Variants in FSTL5 observed in about 807,000 individuals in gnomAD.
FSTL5 encodes follistatin-related protein 5.
Under a neutral mutation model 89.1 loss-of-function variants are expected in FSTL5, and 62 were observed. The ratio of observed to expected loss-of-function variants is 0.70; its 90% CI spans 0.57 to 0.86. The LOEUF is 0.86. Among genes scored for constraint, FSTL5 ranks in the 40% least tolerant of loss-of-function variants. FSTL5 has a pLI of 0.00. For missense variants in FSTL5, 1,057 were observed against 1,001.6 expected, an observed-to-expected ratio of 1.06 and a Z score of -0.75; for synonymous variants, 383 against 346.2, an observed-to-expected ratio of 1.11 and a Z score of -1.18.
intron 12 of FSTL5, among the ~76,000 whole-genome samples, chr4:161,493,737 T>C (rs1729962366): frequency 6.6e-6 from 1 of 152,146 alleles, no homozygotes; most frequent in Admixed American, 6.6e-5. Context: ...AATGCACTTT[T>C]ACATGTGTAT....
intron 15 of FSTL5, among the ~76,000 whole-genome samples, chr4:161,395,716 T>C (rs1370256405): frequency 6.6e-6 from 1 of 152,136 alleles, no homozygotes; most frequent in Non-Finnish European, 1.5e-5. Context: ...ATACAGGTTC[T>C]AGAAGGAAAT....
intron 3 of FSTL5, among the ~76,000 whole-genome samples, chr4:161,949,932 T>C (rs1237922047): frequency 6.6e-6 from 1 of 152,138 alleles, no homozygotes; most frequent in Non-Finnish European, 1.5e-5. Context: ...TCTAAGATAT[T>C]TCTACATTTG....
At chr4:162,125,452 G>C (rs1050090859) in intron 1 of FSTL5, among the ~76,000 whole-genome samples, 2 of 152,054 alleles carry the variant, frequency 1.3e-5, no homozygotes, top group African/African-American at 4.8e-5. Context: ...TTCTTGAAAA[G>C]TTTATTTGAT....
At chr4:161,983,615 A>T (rs1028810219) in intron 3 of FSTL5, among the ~76,000 whole-genome samples, 1 of 152,142 alleles carries the variant, frequency 6.6e-6, no homozygotes, top group African/African-American at 2.4e-5. Context: ...CCCTTAAGAG[A>T]GTTTTAAAGA....
At chr4:161,728,953 C>A (rs1257999285) in intron 6 of FSTL5, among the ~76,000 whole-genome samples, 2 of 152,050 alleles carry the variant, frequency 1.3e-5, no homozygotes, top group East Asian at 3.9e-4. Context: ...TATGTAGCTA[C>A]CTTATCACTA....
intron 7 of FSTL5, among the ~76,000 whole-genome samples, chr4:161,595,918 T>C (rs1733998258): frequency 6.6e-6 from 1 of 152,006 alleles, no homozygotes; most frequent in Non-Finnish European, 1.5e-5. Context: ...TTAAATACAG[T>C]TTTCTGTATA....
At chr4:161,889,278 C>G (rs1016737508) in intron 4 of FSTL5, among the ~76,000 whole-genome samples, 1 of 151,978 alleles carries the variant, frequency 6.6e-6, no homozygotes, top group African/African-American at 2.4e-5. Context: ...CTATGGAATA[C>G]TTGGATATGG....
intron 3 of FSTL5, among the ~76,000 whole-genome samples, chr4:162,006,661 A>G (rs1050995783): frequency 6.6e-6 from 1 of 151,976 alleles, no homozygotes; most frequent in African/African-American, 2.4e-5. Flanking sequence ...TGCTCTAAAT[A>G]GCTAAATATT....
At chr4:161,596,638 G>A (rs149640249) in intron 7 of FSTL5, among the ~76,000 whole-genome samples, 2,297 of 152,130 alleles carry the variant, frequency 0.015, 71 homozygotes, top group South Asian at 0.14. Context: ...GAATAATCAC[G>A]GAAAAGGGGA....
At chr4:162,114,278 T>C (rs1579039200) in intron 1 of FSTL5, among the ~76,000 whole-genome samples, 1 of 152,106 alleles carries the variant, frequency 6.6e-6, no homozygotes, top group East Asian at 1.9e-4. Flanking sequence ...AAATCCAAGA[T>C]AGAGCCAAAA....
At position 162,000,318 on chromosome 4, in the gene FSTL5, T is replaced by A. The variant is rs142069798; in HGVS notation, c.160+33307A>T. The stretch of plus-strand genomic sequence containing the variant: ...TTTAAGAAATATAACAGGCCAGGTG[T>A]GGTGGCTCACGCCTGTAATCCCAGC... On this transcript the variant is annotated intron_variant, in intron 3 of 15. Transcript: ENST00000306100. Among the ~76,000 whole-genome samples the A allele has an allele frequency of 2.1e-4, 32 of 152,176 alleles. No individual in the cohort carries two copies. In the East Asian group the frequency reaches 5.8e-3, roughly 28 times the overall value.
chr4:161,806,992 A>T (rs916825607), intron 4 of FSTL5, among the ~76,000 whole-genome samples: 1 of 152,158 alleles, frequency 6.6e-6, no homozygotes, highest in African/African-American at 2.4e-5. Context: ...GGAAGAAGTT[A>T]ATGAATGAGT....
At chr4:161,612,535 C>A (rs1297699732) in intron 7 of FSTL5, among the ~76,000 whole-genome samples, 1 of 152,168 alleles carries the variant, frequency 6.6e-6, no homozygotes, top group Non-Finnish European at 1.5e-5. Context: ...ATTCATTAGC[C>A]TCCATTAACA....
chr4:161,829,161 A>G (rs1007191015), intron 4 of FSTL5, among the ~76,000 whole-genome samples: 2 of 146,972 alleles, frequency 1.4e-5, no homozygotes, highest in African/African-American at 4.9e-5. Flanking sequence ...ATATATATAT[A>G]TGTACACAGA....
At chr4:161,692,871 A>T (rs2314106) in intron 6 of FSTL5, among the ~76,000 whole-genome samples, 1 of 152,070 alleles carries the variant, frequency 6.6e-6, no homozygotes, top group Admixed American at 6.5e-5. Flanking sequence ...TTACAGGCAC[A>T]CGCCACCACA....
chr4:162,056,477 T>G (rs1738545839), intron 2 of FSTL5, among the ~76,000 whole-genome samples: 1 of 152,156 alleles, frequency 6.6e-6, no homozygotes, highest in Non-Finnish European at 1.5e-5. Context: ...AGAATGTTCC[T>G]AGCAGCATTG....
intron 10 of FSTL5, among the ~76,000 whole-genome samples, chr4:161,532,028 C>T (rs962102196): frequency 2.0e-5 from 3 of 151,826 alleles, no homozygotes; most frequent in Admixed American, 6.6e-5. Context: ...CATGGTGAAA[C>T]CCCGTCTCTA....
At chr4:161,999,720 A>C (rs1271858908) in intron 3 of FSTL5, among the ~76,000 whole-genome samples, 1 of 152,170 alleles carries the variant, frequency 6.6e-6, no homozygotes, top group African/African-American at 2.4e-5. Flanking sequence ...ATTATCTCTT[A>C]ATTTTAGAAA....
chr4:161,518,698 T>TA (rs796550752), intron 10 of FSTL5, among the ~76,000 whole-genome samples: 12 of 152,000 alleles, frequency 7.9e-5, no homozygotes, highest in Admixed American at 7.9e-4. Context: ...ACCGCAAAAA[T>TA]AAAAAAATAA....
Sources: allele counts gnomAD v4.1 joint callset (sites outside exome capture counted in the v4.1 genomes callset), GRCh38; gene constraint gnomAD v4.1.1; transcripts MANE v1.5; gene names NCBI Gene and HGNC (gene_info 2026-07-23, HGNC 2026-07-21).